Variants in OSBPL9 observed in about 807,000 individuals in gnomAD.
The protein encoded by OSBPL9 is oxysterol binding protein like 9, also known as oxysterol-binding protein-related protein 9.
In OSBPL9, 40 loss-of-function variants were observed where a neutral mutation model predicts 106.6. That is an observed-to-expected ratio of 0.38 (90% CI 0.29 to 0.49). The LOEUF is 0.49. Ranked by LOEUF, OSBPL9 falls within the 20% of genes least tolerant of loss-of-function variation. The pLI is 0.97. For missense variants in OSBPL9, 609 were observed against 887.2 expected, an observed-to-expected ratio of 0.69 and a Z score of 3.98; for synonymous variants, 269 against 295.4, an observed-to-expected ratio of 0.91 and a Z score of 0.92.
chr1:51,523,406 C>T, the OSBPL9 span, among the ~76,000 whole-genome samples: 1 of 152,058 alleles, frequency 6.6e-6, no homozygotes, highest in East Asian at 1.9e-4. Flanking sequence ...CGCACCCAGA[C>T]AAATTGCTGC....
At chr1:51,771,491 G>A (rs892790573) in intron 12 of OSBPL9, among the ~76,000 whole-genome samples, 11 of 152,132 alleles carry the variant, frequency 7.2e-5, no homozygotes, top group Admixed American at 5.2e-4. Flanking sequence ...ATACGTGCGT[G>A]TGCGCGCACA....
intron 16 of OSBPL9, 119 bp downstream of exon 16, chr1:51,781,454 A>G (rs1034861492): frequency 9.6e-7 from 1 of 1,039,612 alleles, no homozygotes; most frequent in Non-Finnish European, 1.4e-6. Flanking sequence ...CCCATAGAAG[A>G]AATTGTTGTT....
At chr1:51,682,635 A>G (rs1167459290) in intron 3 of OSBPL9, among the ~76,000 whole-genome samples, 1 of 151,766 alleles carries the variant, frequency 6.6e-6, no homozygotes, top group African/African-American at 2.4e-5. Flanking sequence ...GCGCGCGCCT[A>G]TAATCCCAGC....
upstream of OSBPL9, among the ~76,000 whole-genome samples, chr1:51,574,645 G>A (rs1032379448): frequency 5.9e-5 from 9 of 151,788 alleles, no homozygotes; most frequent in East Asian, 1.9e-4. Flanking sequence ...TAAAGGAAAT[G>A]AATTTGGTGG....
At chr1:51,569,987 C>T in the OSBPL9 span, among the ~76,000 whole-genome samples, 1 of 152,160 alleles carries the variant, frequency 6.6e-6, no homozygotes, top group Non-Finnish European at 1.5e-5. Flanking sequence ...ACATAGCTAG[C>T]AAGGAGCCAA....
At chr1:51,785,984 T>G in intron 21 of OSBPL9, 98 bp downstream of exon 21, 1 of 1,004,530 alleles carries the variant, frequency 1.0e-6, no homozygotes, top group Non-Finnish European at 1.5e-6. Context: ...CATAATGCAT[T>G]TCCTTCTACA....
chr1:51,760,141 AAT>A (rs1461105735), intron 9 of OSBPL9: 2 of 154,114 alleles, frequency 1.3e-5, no homozygotes, highest in African/African-American at 4.8e-5. Flanking sequence ...GTTGTATGCA[AAT>A]ACTACACGAT....
intron 2 of OSBPL9, among the ~76,000 whole-genome samples, chr1:51,667,792 C>G (rs1648875058): frequency 6.6e-6 from 1 of 152,204 alleles, no homozygotes; most frequent in Admixed American, 6.5e-5. Flanking sequence ...CGTGGAATAG[C>G]TAGGTTCCAT....
the OSBPL9 span, among the ~76,000 whole-genome samples, chr1:51,556,261 T>G: frequency 6.6e-6 from 1 of 152,228 alleles, no homozygotes; most frequent in African/African-American, 2.4e-5. Context: ...CTGAGTATGT[T>G]TCAAAAAGGG....
rs58221259 is a variant in OSBPL9 at position 51,617,996 on chromosome 1, T to TTGTGTGTGTGTGTG, written c.111+790_111+803dup. Among the ~76,000 whole-genome samples the TTGTGTGTGTGTGTG allele has an allele frequency of 9.1e-3, 1,329 of 145,736 alleles. 17 individuals are homozygous for TTGTGTGTGTGTGTG. Among genetic ancestry groups the TTGTGTGTGTGTGTG allele is most frequent in the African/African-American group, 0.031 (1,218 of 39,410 alleles). On this transcript the variant is annotated intron_variant, in intron 1 of 23. Transcript: ENST00000428468. Reference sequence around the variant, plus strand: ...ATGAATTGCTGTGAATCTTACGTGGTTGTGTGTGTGTGTGTGTGTGTGTGT... The same window carrying TTGTGTGTGTGTGTG: ...ATGAATTGCTGTGAATCTTACGTGGTTGTGTGTGTGTGTGTGTGTGTGTGTGTGTGTGTGTGTGT...
chr1:51,661,799 T>A (rs1232734349), intron 2 of OSBPL9, among the ~76,000 whole-genome samples: 2 of 152,052 alleles, frequency 1.3e-5, no homozygotes, highest in African/African-American at 4.8e-5. Flanking sequence ...TAAACCCAGA[T>A]AAAGGGAGAG....
chr1:51,663,289 C>G (rs1228581795), intron 2 of OSBPL9, among the ~76,000 whole-genome samples: 3 of 112,058 alleles, frequency 2.7e-5, no homozygotes, highest in African/African-American at 9.6e-5. Context: ...AGTCATTATG[C>G]TGGCAAGTGT....
At chr1:51,636,337 CTT>C (rs879261964) in intron 1 of OSBPL9, among the ~76,000 whole-genome samples, 7 of 139,272 alleles carry the variant, frequency 5.0e-5, no homozygotes, top group Admixed American at 7.3e-5. Flanking sequence ...CCACTTCATT[CTT>C]TTTTTTTTTT....
the OSBPL9 span, among the ~76,000 whole-genome samples, chr1:51,526,962 T>C: frequency 6.6e-6 from 1 of 152,120 alleles, no homozygotes; most frequent in Non-Finnish European, 1.5e-5. Flanking sequence ...GCTAGGATAC[T>C]CTTGATCTCC....
chr1:51,542,792 C>T, the OSBPL9 span, among the ~76,000 whole-genome samples: 1 of 152,208 alleles, frequency 6.6e-6, no homozygotes, highest in African/African-American at 2.4e-5. Context: ...TAACTCAGGT[C>T]TGTCTGACTC....
At chr1:51,776,800 G>T in intron 14 of OSBPL9, 33 bp from the exon 15 acceptor site, 700 of 1,122,630 alleles carry the variant, frequency 6.2e-4, no homozygotes, top group Non-Finnish European at 8.5e-4. Context: ...AGAGAAATTT[G>T]ATCTTCAAGG....
At chr1:51,555,434 G>A in the OSBPL9 span, among the ~76,000 whole-genome samples, 1 of 151,844 alleles carries the variant, frequency 6.6e-6, no homozygotes, top group Admixed American at 6.6e-5. Context: ...AGGTTGCAGT[G>A]AGCTGAGATA....
At chr1:51,543,989 T>C in the OSBPL9 span, among the ~76,000 whole-genome samples, 1 of 152,226 alleles carries the variant, frequency 6.6e-6, no homozygotes, top group Non-Finnish European at 1.5e-5. Flanking sequence ...GCATTATAGA[T>C]AAATACCAAC....
chr1:51,771,802 G>A (rs748210598), intron 12 of OSBPL9, among the ~76,000 whole-genome samples: 1 of 152,128 alleles, frequency 6.6e-6, no homozygotes, highest in Non-Finnish European at 1.5e-5. Context: ...TTTATACCCA[G>A]TAACAAAATC....
Sources: allele counts gnomAD v4.1 joint callset (sites outside exome capture counted in the v4.1 genomes callset), GRCh38; gene constraint gnomAD v4.1.1; transcripts MANE v1.5; gene names NCBI Gene and HGNC (gene_info 2026-07-23, HGNC 2026-07-21).